The following EPHB1 variants were observed in gnomAD, a reference collection of about 807,000 sequenced individuals.
The protein encoded by EPHB1 is EPH receptor B1.
EPHB1 carries 30 observed loss-of-function variants against 94.4 expected under a neutral mutation model. That is an observed-to-expected ratio of 0.32 (90% confidence interval 0.24 to 0.43). The LOEUF is 0.43. EPHB1 is among the 20% of genes least tolerant of loss of function. The pLI is 1.00. For missense variants in EPHB1, 1,055 were observed against 1,308.3 expected, an observed-to-expected ratio of 0.81 and a Z score of 2.99; for synonymous variants, 522 against 489.1, an observed-to-expected ratio of 1.07 and a Z score of -0.89.
At position 135,241,008 on chromosome 3, in the gene EPHB1, G is replaced by A. The variant is rs1039877723; in HGVS notation, c.2347-140G>A. 1.9e-5 allele frequency: 20 copies of A among 1,026,930 alleles called. No homozygotes were observed. In the African/African-American group the frequency reaches 2.2e-4, roughly 11 times the overall value. 63.6% of individuals were successfully genotyped at this position (1,026,930 alleles called of 1,614,324 possible). A position where few individuals can be genotyped will look rare whatever the true frequency, so the allele number is the denominator to read the frequency against. On this transcript the variant is annotated intron_variant, in intron 12 of 15. Transcript: ENST00000398015. ...AGGCACAGCAACATAGCTTGTGCAC[G>A]AAGCAAGAATAGCCTGTCTGTCATA...
chr3:135,219,171 G>A (rs1383004000), intron 12 of EPHB1, among the ~76,000 whole-genome samples: 1 of 151,996 alleles, frequency 6.6e-6, no homozygotes, highest in African/African-American at 2.4e-5. Flanking sequence ...ATAGTGAACA[G>A]GAGGCCTACT....
chr3:135,076,514 G>T (rs1465658381), intron 3 of EPHB1, among the ~76,000 whole-genome samples: 1 of 152,114 alleles, frequency 6.6e-6, no homozygotes, highest in East Asian at 1.9e-4. Flanking sequence ...AAATTGTACA[G>T]CTGCTTTGGA....
intron 2 of EPHB1, among the ~76,000 whole-genome samples, chr3:134,930,253 A>G (rs577393008): frequency 2.6e-5 from 4 of 152,348 alleles, no homozygotes; most frequent in East Asian, 1.9e-4. Flanking sequence ...AAAGCCCACA[A>G]ATCATTCTCA....
intron 1 of EPHB1, among the ~76,000 whole-genome samples, chr3:134,924,997 G>A (rs1324221512): frequency 1.3e-5 from 2 of 152,202 alleles, no homozygotes; most frequent in Non-Finnish European, 2.9e-5. Context: ...TTAATTTGTG[G>A]TGATGGTTTC....
At chr3:135,188,286 G>C (rs1942381250) in intron 10 of EPHB1, among the ~76,000 whole-genome samples, 1 of 152,094 alleles carries the variant, frequency 6.6e-6, no homozygotes, top group Non-Finnish European at 1.5e-5. Context: ...CACGAGGTCA[G>C]GAGTTCAAGA....
At chr3:134,826,692 G>A (rs948229806) in intron 1 of EPHB1, among the ~76,000 whole-genome samples, 2 of 152,162 alleles carry the variant, frequency 1.3e-5, no homozygotes, top group African/African-American at 4.8e-5. Context: ...TCACCCCCTT[G>A]TAGCTATATA....
chr3:134,965,628 G>A (rs562370923), intron 3 of EPHB1, among the ~76,000 whole-genome samples: 1 of 152,298 alleles, frequency 6.6e-6, no homozygotes, highest in African/African-American at 2.4e-5. Flanking sequence ...TTTATCTGTG[G>A]AGATTGATTT....
At chr3:135,019,543 GA>G (rs1935919781) in intron 3 of EPHB1, among the ~76,000 whole-genome samples, 1 of 152,090 alleles carries the variant, frequency 6.6e-6, no homozygotes, top group African/African-American at 2.4e-5. Flanking sequence ...GAGATATAAA[GA>G]AAAAATGAAA....
intron 3 of EPHB1, among the ~76,000 whole-genome samples, chr3:134,991,215 A>C (rs1036441294): frequency 2.6e-5 from 4 of 152,038 alleles, no homozygotes; most frequent in African/African-American, 9.7e-5. Context: ...ACTTTGTCTG[A>C]GGTTCATTTG....
intron 4 of EPHB1, among the ~76,000 whole-genome samples, chr3:135,131,360 G>T (rs1432383702): frequency 1.3e-5 from 2 of 152,146 alleles, no homozygotes; most frequent in African/African-American, 4.8e-5. Context: ...CGACCTTATT[G>T]TTATTCCCTC....
At chr3:134,886,990 T>G (rs1425452023) in intron 1 of EPHB1, among the ~76,000 whole-genome samples, 2 of 152,196 alleles carry the variant, frequency 1.3e-5, no homozygotes, top group South Asian at 2.1e-4. Context: ...AGATATATAA[T>G]CATGGAGCAA....
intron 3 of EPHB1, among the ~76,000 whole-genome samples, chr3:135,062,625 A>G (rs769520573): frequency 7.3e-5 from 11 of 151,056 alleles, no homozygotes; most frequent in Non-Finnish European, 1.6e-4. Context: ...ACTTTTTCCC[A>G]CTCTGTGGGC....
chr3:134,988,747 A>G (rs1274478806), intron 3 of EPHB1, among the ~76,000 whole-genome samples: 1 of 152,168 alleles, frequency 6.6e-6, no homozygotes, highest in East Asian at 1.9e-4. Context: ...TCTTTTTATG[A>G]AATTCTGGTA....
At chr3:135,048,248 C>CTT (rs1937062532) in intron 3 of EPHB1, among the ~76,000 whole-genome samples, 5 of 88,528 alleles carry the variant, frequency 5.6e-5, no homozygotes, top group African/African-American at 1.4e-4. Context: ...CTTTTTCTTT[C>CTT]TTTCTTTTTT....
chr3:134,990,476 C>G (rs565898583), intron 3 of EPHB1, among the ~76,000 whole-genome samples: 1 of 152,082 alleles, frequency 6.6e-6, no homozygotes, highest in African/African-American at 2.4e-5. Flanking sequence ...TGAGCCGTTT[C>G]TTTGTTCAGA....
chr3:134,886,686 T>A (rs1034101624), intron 1 of EPHB1, among the ~76,000 whole-genome samples: 1 of 152,226 alleles, frequency 6.6e-6, no homozygotes, highest in African/African-American at 2.4e-5. Flanking sequence ...GTACTCACTA[T>A]GTGCTGGGAA....
At chr3:135,041,540 A>G (rs919838577) in intron 3 of EPHB1, among the ~76,000 whole-genome samples, 1 of 152,270 alleles carries the variant, frequency 6.6e-6, no homozygotes, top group Non-Finnish European at 1.5e-5. Flanking sequence ...AGGAAGGTCC[A>G]GACTGCTGAG....
chr3:135,246,768 G>GTCAC (rs1423342619), intron 13 of EPHB1, among the ~76,000 whole-genome samples: 2 of 152,148 alleles, frequency 1.3e-5, no homozygotes, highest in African/African-American at 4.8e-5. Context: ...AGTACTCCCA[G>GTCAC]TCACTGGATT....
At chr3:134,987,158 CAAT>C (rs1169121053) in intron 3 of EPHB1, among the ~76,000 whole-genome samples, 1 of 151,936 alleles carries the variant, frequency 6.6e-6, no homozygotes, top group African/African-American at 2.4e-5. Context: ...ACAACAACAA[CAAT>C]AATAATAATA....
Sources: allele counts gnomAD v4.1 joint callset (sites outside exome capture counted in the v4.1 genomes callset), GRCh38; gene constraint gnomAD v4.1.1; transcripts MANE v1.5; gene names NCBI Gene and HGNC (gene_info 2026-07-23, HGNC 2026-07-21).